PCDHGA2: variants seen among roughly 807,000 people sequenced by gnomAD.
The protein encoded by PCDHGA2 is protocadherin gamma subfamily A, 2.
A neutral mutation model predicts 59.2 loss-of-function variants in PCDHGA2; 40 were observed. The ratio of observed to expected loss-of-function variants is 0.68; its 90% CI spans 0.52 to 0.88. The LOEUF is 0.88. Ranked by LOEUF, PCDHGA2 falls within the 40% of genes least tolerant of loss-of-function variation. PCDHGA2 has a pLI of 0.00. For synonymous variants in PCDHGA2, 560 were observed against 526.0 expected (o/e 1.06, Z -0.89); for missense variants, 1,226 against 1,204.0 (o/e 1.02, Z -0.27).
At position 141,505,489 on chromosome 5, in the gene PCDHGA2, G is replaced by A. The variant is rs759637750; in HGVS notation, c.2572+8G>A. On this transcript the variant is annotated splice_region_variant and intron_variant, in intron 3 of 3. Coordinates refer to ENST00000394576, the MANE Select transcript of PCDHGA2 (RefSeq NM_018915.4). ...TCTTGGCGTCCGCCAGTGGTAAGTG[G>A]TGTCAGTGTGTGTATGGAAGAGTGG... The A allele has an allele frequency of 6.2e-7, 1 of 1,614,218 alleles. No homozygotes were observed. The highest frequency in any genetic ancestry group is 1.7e-5 in the Admixed American group (1 of 60,032).
chr5:141,451,740 G>A (rs370710201), intron 1 of PCDHGA2, among the ~76,000 whole-genome samples: 1 of 152,108 alleles, frequency 6.6e-6, no homozygotes, highest in Non-Finnish European at 1.5e-5. Context: ...AAATTAGCTG[G>A]TCTGGTGGTG....
chr5:141,351,181 G>A (rs200349180), intron 1 of PCDHGA2: 1 of 1,614,038 alleles, frequency 6.2e-7, no homozygotes, highest in African/African-American at 1.3e-5. Flanking sequence ...ATTTTGAAGA[G>A]ACAAGTAGAT....
intron 1 of PCDHGA2, chr5:141,415,281 C>T (rs1321418691): frequency 6.2e-7 from 1 of 1,614,080 alleles, no homozygotes; most frequent in African/African-American, 1.3e-5. Context: ...TAGCGGTGGC[C>T]GCGGTCTCCT....
chr5:141,418,906 C>T, intron 1 of PCDHGA2: 1 of 1,613,908 alleles, frequency 6.2e-7, no homozygotes, highest in Non-Finnish European at 8.5e-7. Flanking sequence ...AAATAATCAT[C>T]ACGTCACTCT....
chr5:141,423,170 A>G, intron 1 of PCDHGA2: 8 of 1,613,504 alleles, frequency 5.0e-6, no homozygotes, highest in Non-Finnish European at 6.8e-6. Context: ...GTGGCCGTCC[A>G]GGACCACGGC....
intron 1 of PCDHGA2, chr5:141,378,221 G>C (rs1378453601): frequency 6.6e-6 from 1 of 152,182 alleles, no homozygotes; most frequent in Non-Finnish European, 1.5e-5. Context: ...CTGTGTGCCT[G>C]ATAGTATTTA....
chr5:141,349,331 A>C (rs943183945), intron 1 of PCDHGA2, among the ~76,000 whole-genome samples: 1 of 152,182 alleles, frequency 6.6e-6, no homozygotes, highest in Admixed American at 6.5e-5. Context: ...TGGCCTCCCA[A>C]AGTGCTGGGA....
rs199756911 is a variant in PCDHGA2 at position 141,365,042 on chromosome 5, A to T, written c.2424+23647A>T. On this transcript the variant is annotated intron_variant, in intron 1 of 3. Coordinates refer to ENST00000394576, the MANE Select transcript of PCDHGA2 (RefSeq NM_018915.4). ...TGTTACGGTCCTCGACGCAAACGAC[A>T]ATGCGCCCCTGTTCACCCCATCCGA... 1.5e-4 allele frequency: 244 copies of T among 1,613,726 alleles called. No individual in the cohort carries two copies. Among genetic ancestry groups the T allele is most frequent in the Non-Finnish European group, 1.9e-4 (219 of 1,179,898 alleles).
chr5:141,398,135 G>C, intron 1 of PCDHGA2: 1 of 1,556,792 alleles, frequency 6.4e-7, no homozygotes, highest in Non-Finnish European at 8.6e-7. Context: ...GGGATGGGGA[G>C]CGGCGCCGGG....
intron 1 of PCDHGA2, among the ~76,000 whole-genome samples, chr5:141,406,328 C>T (rs1235799294): frequency 1.3e-5 from 2 of 152,062 alleles, no homozygotes; most frequent in Non-Finnish European, 2.9e-5. Context: ...ATTCTTACTC[C>T]TACGATCATT....
At position 141,485,379 on chromosome 5, in the gene PCDHGA2, A is replaced by G. The variant is rs749607481; in HGVS notation, c.2425-9428A>G. 12 of 1,613,934 alleles carry G rather than the reference A, an allele frequency of 7.4e-6. No homozygotes were observed. In the Admixed American group the frequency reaches 1.8e-4, roughly 25 times the overall value. The stretch of plus-strand genomic sequence containing the variant: ...GCTCGCAGGCTGCAGGTCGCTGGAG[A>G]GGTGAACCAAAGACACTTCCGTGTG... On this transcript the variant is annotated intron_variant, in intron 1 of 3. Coordinates refer to ENST00000394576, the MANE Select transcript of PCDHGA2 (RefSeq NM_018915.4). This position sits in a 1 kb window ranked among gnomAD's most constrained non-coding sequence, Gnocchi z 5.7.
intron 1 of PCDHGA2, chr5:141,372,129 C>A (rs62620756): frequency 0.034 from 55,182 of 1,613,622 alleles, 1,045 homozygotes; most frequent in Middle Eastern, 0.098. Flanking sequence ...CGATATGGTG[C>A]CGCGCTCTGC....
chr5:141,388,875 G>T lies in PCDHGA2; in HGVS notation c.2424+47480G>T, dbSNP rs201053346. ...TGGAGGAATGATTGCGCAATGCACAGTGGAGGTAGAAGTCATAGATGAAAA... is the reference window on the plus strand; with the variant it reads ...TGGAGGAATGATTGCGCAATGCACATTGGAGGTAGAAGTCATAGATGAAAA... On this transcript the variant is annotated intron_variant, in intron 1 of 3. Coordinates refer to ENST00000394576, the MANE Select transcript of PCDHGA2 (RefSeq NM_018915.4). 1.4e-4 allele frequency: 224 copies of T among 1,614,024 alleles called. No homozygotes were observed. The highest frequency in any genetic ancestry group is 1.8e-4 in the Non-Finnish European group (214 of 1,179,874).
intron 1 of PCDHGA2, chr5:141,346,065 C>G (rs560931631): frequency 1.2e-6 from 2 of 1,613,640 alleles, no homozygotes; most frequent in South Asian, 2.2e-5. Context: ...CCTGGGCAGC[C>G]TCGAGCCCTC....
chr5:141,343,489 T>C, intron 1 of PCDHGA2: 1 of 558,972 alleles, frequency 1.8e-6, no homozygotes, highest in Non-Finnish European at 2.3e-6. Flanking sequence ...GTCATGTCTT[T>C]TAATAGTTGT....
At chr5:141,410,752 GT>G (rs2095421794) in intron 1 of PCDHGA2, 1 of 1,130,824 alleles carries the variant, frequency 8.8e-7, no homozygotes, top group Non-Finnish European at 1.2e-6. Context: ...TTTTCTCAAT[GT>G]TTTTTCAATT....
rs1177858369 is a variant in PCDHGA2 at position 141,339,390 on chromosome 5, T to TA, written c.424dup (p.Ile142AsnfsTer3). 6.2e-7 allele frequency: 1 copy of TA among 1,614,180 alleles called. No individual in the cohort carries two copies. The highest frequency in any genetic ancestry group is 1.1e-5 in the South Asian group (1 of 91,070). ...CGCTTTGGAGTAGAGGAACTGGAGC[T>TA]AAAAATCAGTGAAACCACTACGCCA... On this transcript the variant is annotated frameshift_variant, in exon 1 of 4. Coordinates refer to ENST00000394576, the MANE Select transcript of PCDHGA2 (RefSeq NM_018915.4). LOFTEE classifies it high-confidence loss of function.
chr5:141,417,232 G>C (rs997894028), intron 1 of PCDHGA2: 5 of 152,072 alleles, frequency 3.3e-5, no homozygotes, highest in Non-Finnish European at 7.4e-5. Flanking sequence ...AAAATTTGTT[G>C]CTTATCTTCA....
intron 1 of PCDHGA2, chr5:141,404,856 G>C (rs1405688914): frequency 6.2e-7 from 1 of 1,613,890 alleles, no homozygotes; most frequent in Admixed American, 1.7e-5. Flanking sequence ...CTGCTAGATA[G>C]AGATGCGCTC....
Sources: gnomAD v4.1 joint callset for allele counts (sites outside exome capture counted in the v4.1 genomes callset) on GRCh38, gnomAD v4.1.1 for gene constraint, Gnocchi (gnomAD v3.1) non-coding constraint, MANE v1.5 for transcripts, NCBI Gene and HGNC (gene_info 2026-07-23, HGNC 2026-07-21) for gene names.